Variants in ZNF385D observed in about 807,000 individuals in gnomAD.
ZNF385D encodes the protein zinc finger protein 385D, also known as zinc finger protein 659.
A neutral mutation model predicts 35.8 loss-of-function variants in ZNF385D; 15 were observed. That is an observed-to-expected ratio of 0.42 (90% CI 0.28 to 0.64). The LOEUF is 0.64. Among genes scored for constraint, ZNF385D ranks in the 30% least tolerant of loss-of-function variants. ZNF385D has a pLI of 0.23. For synonymous variants in ZNF385D, 212 were observed against 186.8 expected, an observed-to-expected ratio of 1.13 and a Z score of -1.10; for missense variants, 474 against 494.6, an observed-to-expected ratio of 0.96 and a Z score of 0.39.
chr3:21,616,198 A>G (rs893957083), intron 2 of ZNF385D, among the ~76,000 whole-genome samples: 2 of 152,192 alleles, frequency 1.3e-5, no homozygotes, highest in South Asian at 2.1e-4. Context: ...AATGTACACA[A>G]TGTGATTAAA....
chr3:22,212,182 A>T (rs1697567646), intron 2 of ZNF385D, among the ~76,000 whole-genome samples: 1 of 151,972 alleles, frequency 6.6e-6, no homozygotes, highest in Non-Finnish European at 1.5e-5. Context: ...CAAAGGACTG[A>T]GGAAGAGGGA....
intron 3 of ZNF385D, among the ~76,000 whole-genome samples, chr3:21,793,863 C>A (rs1475492480): frequency 6.6e-6 from 1 of 152,194 alleles, no homozygotes; most frequent in Non-Finnish European, 1.5e-5. Flanking sequence ...GAACCATTCT[C>A]AGGACAAGTC....
chr3:22,059,366 T>C lies in ZNF385D; in HGVS notation c.325+109451A>G, dbSNP rs73137201. Among the ~76,000 whole-genome samples, 1,503 of 152,264 alleles carry C rather than the reference T, an allele frequency of 9.9e-3. 23 individuals are homozygous for C. The highest frequency in any genetic ancestry group is 0.033 in the African/African-American group (1,378 of 41,552). The stretch of plus-strand genomic sequence containing the variant: ...TTCTAAAGCTTCCCAGGTGAGTCTA[T>C]GTTGCAGCCAGCAGCAAGAACCAGA... On this transcript the variant is annotated intron_variant, in intron 3 of 5. Transcript: ENST00000494108.
intron 3 of ZNF385D, among the ~76,000 whole-genome samples, chr3:21,822,451 T>C (rs1694319971): frequency 6.6e-6 from 1 of 152,232 alleles, no homozygotes; most frequent in African/African-American, 2.4e-5. Context: ...GATTAATTAA[T>C]TGACAGGCAC....
At chr3:22,296,157 C>T (rs142896625) in intron 2 of ZNF385D, among the ~76,000 whole-genome samples, 4 of 152,268 alleles carry the variant, frequency 2.6e-5, no homozygotes, top group East Asian at 1.9e-4. Flanking sequence ...CTCCAGATAA[C>T]ACTTTCTGTT....
intron 2 of ZNF385D, among the ~76,000 whole-genome samples, chr3:22,352,476 C>T (rs1192156290): frequency 2.6e-5 from 4 of 152,136 alleles, no homozygotes. Flanking sequence ...TGATTCACAG[C>T]CCAGATGGGC....
intron 2 of ZNF385D, among the ~76,000 whole-genome samples, chr3:22,260,556 A>G (rs1255274442): frequency 1.3e-5 from 2 of 152,020 alleles, no homozygotes; most frequent in African/African-American, 4.8e-5. Flanking sequence ...TAGGTTGTAA[A>G]TCATTTTGTA....
At chr3:21,625,417 G>A (rs1224511592) in intron 2 of ZNF385D, among the ~76,000 whole-genome samples, 1 of 152,008 alleles carries the variant, frequency 6.6e-6, no homozygotes, top group African/African-American at 2.4e-5. Flanking sequence ...GGCCTTCTGT[G>A]ACAAAATCAT....
intron 2 of ZNF385D, among the ~76,000 whole-genome samples, chr3:22,329,077 A>AT (rs1458311925): frequency 1.3e-4 from 5 of 39,028 alleles, no homozygotes; most frequent in African/African-American, 4.8e-4. Context: ...ACTCCGTCTC[A>AT]AAAAAAAAAA....
intron 2 of ZNF385D, among the ~76,000 whole-genome samples, chr3:22,245,379 T>A (rs116360319): frequency 6.6e-6 from 1 of 151,610 alleles, no homozygotes; most frequent in East Asian, 1.9e-4. Flanking sequence ...ATGCTGCTAC[T>A]TACACTGCAG....
At chr3:21,460,965 T>G (rs900000611) in intron 4 of ZNF385D, among the ~76,000 whole-genome samples, 3 of 152,286 alleles carry the variant, frequency 2.0e-5, no homozygotes, top group South Asian at 2.1e-4. Flanking sequence ...CCCATTAATT[T>G]TTCACAAAAT....
chr3:21,825,606 G>A (rs964823774), intron 3 of ZNF385D, among the ~76,000 whole-genome samples: 3 of 152,064 alleles, frequency 2.0e-5, no homozygotes, highest in African/African-American at 7.2e-5. Flanking sequence ...CTTTCCTCAT[G>A]GTCACAAAGT....
chr3:21,476,291 A>T (rs1326284774), intron 4 of ZNF385D, among the ~76,000 whole-genome samples: 1 of 152,116 alleles, frequency 6.6e-6, no homozygotes, highest in Non-Finnish European at 1.5e-5. Flanking sequence ...TTAATTGTTC[A>T]TTCAGCCCCT....
intron 3 of ZNF385D, among the ~76,000 whole-genome samples, chr3:22,020,460 G>A (rs1024083324): frequency 1.3e-5 from 2 of 151,836 alleles, no homozygotes; most frequent in African/African-American, 4.8e-5. Flanking sequence ...ACATAGATAA[G>A]GCTCTAAACA....
Position 21,953,943 on chromosome 3 carries a change from T to C in ZNF385D, c.325+214874A>G, listed in dbSNP as rs540345472. Among the ~76,000 whole-genome samples the C allele has an allele frequency of 7.2e-5, 11 of 152,186 alleles. No individual in the cohort carries two copies. In the South Asian group the frequency reaches 2.3e-3, roughly 32 times the overall value. ...GTTTAAAATGAGATCCCTTCCAACA[T>C]GCTTTGCTGAGCCAGATTTATAAAA... On this transcript the variant is annotated intron_variant, in intron 3 of 5. Coordinates refer to the ZNF385D transcript ENST00000494108.
At chr3:21,656,005 C>T (rs981228585) in intron 2 of ZNF385D, among the ~76,000 whole-genome samples, 5 of 151,816 alleles carry the variant, frequency 3.3e-5, no homozygotes, top group African/African-American at 1.2e-4. Flanking sequence ...GGCAATATAT[C>T]GTGTATTTAC....
At chr3:21,699,669 T>A (rs966554531) in intron 1 of ZNF385D, among the ~76,000 whole-genome samples, 11 of 152,086 alleles carry the variant, frequency 7.2e-5, no homozygotes, top group Middle Eastern at 3.4e-3. Context: ...ATAGCTTACA[T>A]TGATAATGTT....
intron 3 of ZNF385D, among the ~76,000 whole-genome samples, chr3:21,842,035 G>A (rs1165737631): frequency 1.3e-5 from 2 of 151,668 alleles, no homozygotes; most frequent in Non-Finnish European, 2.9e-5. Context: ...AATTGAAAAT[G>A]TATTTGTATA....
intron 3 of ZNF385D, among the ~76,000 whole-genome samples, chr3:21,804,755 A>G (rs544322414): frequency 1.2e-3 from 164 of 135,594 alleles, no homozygotes; most frequent in African/African-American, 4.4e-3. Context: ...AGATGAAGAC[A>G]CTAAATGTCA....
Sources: allele counts gnomAD v4.1 joint callset (sites outside exome capture counted in the v4.1 genomes callset), GRCh38; gene constraint gnomAD v4.1.1; transcripts MANE v1.5; gene names NCBI Gene and HGNC (gene_info 2026-07-23, HGNC 2026-07-21).